The following PLD5 variants were observed in gnomAD, a reference collection of about 807,000 sequenced individuals.
PLD5 encodes the protein inactive phospholipase D5.
In PLD5, 36 loss-of-function variants were observed where a neutral mutation model predicts 61.1. The ratio of observed to expected loss-of-function variants is 0.59; its 90% CI spans 0.45 to 0.78. The LOEUF (loss-of-function observed/expected upper bound fraction) is 0.78, where lower values mean the gene tolerates loss of function less well. Ranked by LOEUF, PLD5 falls within the 30% of genes least tolerant of loss-of-function variation. PLD5 has a pLI of 0.00. For missense variants in PLD5, 515 were observed against 644.4 expected, an observed-to-expected ratio of 0.80 and a Z score of 2.17; for synonymous variants, 243 against 242.8, an observed-to-expected ratio of 1.00 and a Z score of -0.01.
chr1:242,312,731 C>G (rs992784568), intron 2 of PLD5, among the ~76,000 whole-genome samples: 4 of 152,220 alleles, frequency 2.6e-5, no homozygotes, highest in African/African-American at 9.6e-5. Flanking sequence ...CTCCAATTTG[C>G]AGAAGGAAAT....
In PLD5 at chr1:242,348,164, C is replaced by T. The variant is rs772768695; in HGVS notation, c.268G>A (p.Asp90Asn). The T allele has an allele frequency of 8.7e-6, 14 of 1,613,778 alleles. No homozygotes were observed. The East Asian group carries it at 2.9e-4, about 33-fold the overall frequency. Residue 90 changes from aspartate (D) to asparagine (N), a missense_variant, in exon 2 of 10, where the codon GAC becomes AAC. Asp to Asn is a conservative substitution (Grantham distance 23, BLOSUM62 1). Coordinates refer to ENST00000536534, the MANE Select transcript of PLD5 (RefSeq NM_001372062.1). Reference sequence around the variant, plus strand: ...CCATCCTCATCCTCTCCCATGATGTCCACGGCTGAAAAGATCAGTGCAACC... The same window carrying T: ...CCATCCTCATCCTCTCCCATGATGTTCACGGCTGAAAAGATCAGTGCAACC... ...ILVALIFSAV[D>N]IMGEDEDGLS...
At chr1:242,173,849 A>G (rs1263555665) in intron 5 of PLD5, among the ~76,000 whole-genome samples, 1 of 152,240 alleles carries the variant, frequency 6.6e-6, no homozygotes. Flanking sequence ...AGCCATATGT[A>G]GAAAGCTGAA....
chr1:242,493,761 A>T (rs1668252599), intron 1 of PLD5, among the ~76,000 whole-genome samples: 1 of 152,136 alleles, frequency 6.6e-6, no homozygotes, highest in Non-Finnish European at 1.5e-5. Flanking sequence ...CATGTTCAGC[A>T]TCCCCTGGTG....
chr1:242,378,048 C>G (rs1662064274), intron 1 of PLD5, among the ~76,000 whole-genome samples: 1 of 152,062 alleles, frequency 6.6e-6, no homozygotes, highest in African/African-American at 2.4e-5. Flanking sequence ...AGCAGGGACT[C>G]AAACAGAGAA....
chr1:242,139,417 C>T (rs776087521), intron 5 of PLD5, among the ~76,000 whole-genome samples: 1 of 151,946 alleles, frequency 6.6e-6, no homozygotes, highest in Non-Finnish European at 1.5e-5. Context: ...CATTTCACAC[C>T]CCATGGCAGC....
In PLD5 at chr1:242,207,932, T is replaced by TTATATATATTTATA. The variant is rs1553325000; in HGVS notation, c.735+12055_735+12056insTATAAATATATATA. ...TATATATTTATATATTTATATATAT[T>TTATATATATTTATA]TATATATTTATATATATTTATTTAT... On this transcript the variant is annotated intron_variant, in intron 5 of 9. Coordinates refer to ENST00000536534, the MANE Select transcript of PLD5 (RefSeq NM_001372062.1). Among the ~76,000 whole-genome samples, 2 of 30,834 alleles carry TTATATATATTTATA rather than the reference T, an allele frequency of 6.5e-5. 1 individual carries two copies. Among genetic ancestry groups the TTATATATATTTATA allele is most frequent in the African/African-American group, 3.6e-4 (2 of 5,508 alleles). The allele number at this position is 30,834 out of a possible 152,430, so 20.2% of individuals were successfully genotyped here. A position where few individuals can be genotyped will look rare whatever the true frequency, so the allele number is the denominator to read the frequency against.
chr1:242,444,860 C>T (rs2249864), intron 1 of PLD5, among the ~76,000 whole-genome samples: 53,865 of 150,536 alleles, frequency 0.36, 9,886 homozygotes, highest in Admixed American at 0.44. Flanking sequence ...CAGTTATTGA[C>T]ATGTGATATA....
intron 1 of PLD5, among the ~76,000 whole-genome samples, chr1:242,349,726 C>T (rs1428863115): frequency 6.6e-6 from 1 of 152,122 alleles, no homozygotes; most frequent in African/African-American, 2.4e-5. Flanking sequence ...GGAGCTGTGA[C>T]CACTGTGACA....
chr1:242,092,637 G>T (rs1240452997), intron 9 of PLD5, among the ~76,000 whole-genome samples: 2 of 152,058 alleles, frequency 1.3e-5, no homozygotes, highest in African/African-American at 2.4e-5. Flanking sequence ...AGCAACTCAG[G>T]TTTCGCTGCA....
chr1:242,448,126 G>A (rs1371124256), intron 1 of PLD5, among the ~76,000 whole-genome samples: 1 of 152,200 alleles, frequency 6.6e-6, no homozygotes, highest in Non-Finnish European at 1.5e-5. Flanking sequence ...TCAAATGGAT[G>A]AGATGATAAA....
chr1:242,109,477 CA>C (rs1309582346), intron 7 of PLD5, among the ~76,000 whole-genome samples: 1 of 152,030 alleles, frequency 6.6e-6, no homozygotes, highest in Non-Finnish European at 1.5e-5. Context: ...GACTCCATCT[CA>C]AAACAAAACA....
At chr1:242,270,710 A>G (rs1199536516) in intron 3 of PLD5, among the ~76,000 whole-genome samples, 1 of 152,144 alleles carries the variant, frequency 6.6e-6, no homozygotes, top group African/African-American at 2.4e-5. Flanking sequence ...AGTGTTCCAG[A>G]GTTGCCTGTT....
At chr1:242,490,574 C>G (rs1381393447) in intron 1 of PLD5, among the ~76,000 whole-genome samples, 1 of 152,142 alleles carries the variant, frequency 6.6e-6, no homozygotes, top group South Asian at 2.1e-4. Flanking sequence ...TCCTCATTTG[C>G]TGCATCAAAA....
At chr1:242,207,850 A>T (rs202146499) in intron 5 of PLD5, among the ~76,000 whole-genome samples, 405 of 26,548 alleles carry the variant, frequency 0.015, 29 homozygotes, top group East Asian at 0.025. Flanking sequence ...ATTTATATAT[A>T]TTTATATATT....
Position 242,393,556 on chromosome 1 carries a change from A to AGTATATATGTGTATATATG in PLD5, c.190-45315_190-45314insCATATATACACATATATAC, listed in dbSNP as rs1558524077. ...TGTGAGTATATATATGTGTATATAT[A>AGTATATATGTGTATATATG]TGAGTATATATGTGTATATATATGA... On this transcript the variant is annotated intron_variant, in intron 1 of 9. Transcript: ENST00000536534. Among the ~76,000 whole-genome samples, 38 of 89,458 alleles carry AGTATATATGTGTATATATG rather than the reference A, an allele frequency of 4.2e-4. 11 individuals carry two copies. Among genetic ancestry groups the AGTATATATGTGTATATATG allele is most frequent in the African/African-American group, 1.8e-3 (37 of 20,344 alleles). 58.7% of individuals were successfully genotyped at this position (89,458 alleles called of 152,430 possible). A position where few individuals can be genotyped will look rare whatever the true frequency, so the allele number is the denominator to read the frequency against.
chr1:242,125,800 C>T (rs1046001068), intron 5 of PLD5, among the ~76,000 whole-genome samples: 4 of 152,112 alleles, frequency 2.6e-5, no homozygotes, highest in African/African-American at 9.7e-5. Flanking sequence ...ACCTGTCTCT[C>T]TTTGCTCCCA....
At chr1:242,314,453 G>GCTT (rs1330402014) in intron 2 of PLD5, among the ~76,000 whole-genome samples, 14 of 152,182 alleles carry the variant, frequency 9.2e-5, no homozygotes, top group Non-Finnish European at 1.8e-4. Context: ...ATCTAAGGTA[G>GCTT]CTTGAATCAC....
intron 2 of PLD5, among the ~76,000 whole-genome samples, chr1:242,320,764 A>T (rs1402147004): frequency 1.3e-5 from 2 of 152,174 alleles, no homozygotes. Context: ...CATCCATTAG[A>T]ATCACCTGGG....
At chr1:242,157,187 T>C (rs1665445143) in intron 5 of PLD5, among the ~76,000 whole-genome samples, 1 of 150,488 alleles carries the variant, frequency 6.6e-6, no homozygotes, top group East Asian at 1.9e-4. Flanking sequence ...TCTCGTGCTA[T>C]GTTTTTCAGC....
Sources: gnomAD v4.1 joint callset for allele counts (sites outside exome capture counted in the v4.1 genomes callset) on GRCh38, gnomAD v4.1.1 for gene constraint, MANE v1.5 for transcripts, NCBI Gene and HGNC (gene_info 2026-07-23, HGNC 2026-07-21) for gene names.